FHIT: variants seen among roughly 807,000 people sequenced by gnomAD.
FHIT encodes fragile histidine triad diadenosine triphosphatase, also known as bis(5'-adenosyl)-triphosphatase.
FHIT carries 19 observed loss-of-function variants against 17.9 expected under a neutral mutation model. The observed-to-expected ratio is 1.06, with a 90% CI of 0.74 to 1.56. The LOEUF is 1.56. Ranked by LOEUF, FHIT falls within the 40% of genes most tolerant of loss-of-function variation. The pLI is 0.00. For missense variants in FHIT, 248 were observed against 189.2 expected (o/e 1.31, Z -1.82); for synonymous variants, 81 against 69.7 (o/e 1.16, Z -0.81).
At chr3:60,244,512 T>A (rs115677216) in intron 5 of FHIT, among the ~76,000 whole-genome samples, 2 of 152,218 alleles carry the variant, frequency 1.3e-5, no homozygotes, top group African/African-American at 4.8e-5. Flanking sequence ...CAAGATTTCA[T>A]GTTGATTAAC....
intron 3 of FHIT, among the ~76,000 whole-genome samples, chr3:60,934,768 T>G (rs1708114967): frequency 6.6e-6 from 1 of 152,182 alleles, no homozygotes; most frequent in Non-Finnish European, 1.5e-5. Flanking sequence ...GCCTCCAGCT[T>G]TGAGGCAATG....
At chr3:60,134,477 C>T (rs193285771) in intron 5 of FHIT, among the ~76,000 whole-genome samples, 16 of 152,256 alleles carry the variant, frequency 1.1e-4, no homozygotes, top group Non-Finnish European at 2.2e-4. Flanking sequence ...GCGTGGGGCC[C>T]ACAGGCCTTT....
chr3:60,037,319 A>C (rs368202414), intron 5 of FHIT, among the ~76,000 whole-genome samples: 14 of 152,190 alleles, frequency 9.2e-5, no homozygotes, highest in Admixed American at 3.3e-4. Flanking sequence ...GGCACTAGGA[A>C]GTCTCACCAG....
chr3:60,029,052 G>A (rs556882346), intron 5 of FHIT, among the ~76,000 whole-genome samples: 1 of 152,282 alleles, frequency 6.6e-6, no homozygotes, highest in East Asian at 1.9e-4. Flanking sequence ...GATTTTCAAA[G>A]AAATAAAGCA....
chr3:60,576,075 A>G (rs561227081), intron 4 of FHIT, among the ~76,000 whole-genome samples: 1 of 152,114 alleles, frequency 6.6e-6, no homozygotes, highest in Non-Finnish European at 1.5e-5. Context: ...CATTGAGCAA[A>G]CACCAGGGAG....
chr3:60,993,681 C>A (rs1246014047), intron 3 of FHIT, among the ~76,000 whole-genome samples: 2 of 152,160 alleles, frequency 1.3e-5, no homozygotes, highest in African/African-American at 2.4e-5. Context: ...TATACCAATT[C>A]TTTGGCTTAC....
chr3:60,245,162 A>T (rs1705329700), intron 5 of FHIT, among the ~76,000 whole-genome samples: 1 of 152,124 alleles, frequency 6.6e-6, no homozygotes, highest in Non-Finnish European at 1.5e-5. Flanking sequence ...CATTTAATGA[A>T]TATAATGAAA....
chr3:60,061,419 A>C (rs1162789766), intron 5 of FHIT, among the ~76,000 whole-genome samples: 1 of 152,206 alleles, frequency 6.6e-6, no homozygotes, highest in Non-Finnish European at 1.5e-5. Context: ...GTTTGTAGAG[A>C]TGGATATCTG....
chr3:60,631,462 G>C (rs1186923867), intron 4 of FHIT, among the ~76,000 whole-genome samples: 1 of 152,160 alleles, frequency 6.6e-6, no homozygotes, highest in East Asian at 1.9e-4. Flanking sequence ...AATGCGGAGG[G>C]AGATGGCAAC....
intron 8 of FHIT, among the ~76,000 whole-genome samples, chr3:59,790,503 T>G (rs1350484892): frequency 7.0e-6 from 1 of 141,852 alleles, no homozygotes; most frequent in Non-Finnish European, 1.5e-5. Context: ...TCTCTCTCTC[T>G]CTTTCTCTCT....
At chr3:60,404,964 C>T (rs1272962413) in intron 5 of FHIT, among the ~76,000 whole-genome samples, 1 of 152,056 alleles carries the variant, frequency 6.6e-6, no homozygotes, top group Non-Finnish European at 1.5e-5. Context: ...AGCAGAAATC[C>T]TATAATATAT....
At chr3:61,127,997 G>A (rs188941391) in intron 2 of FHIT, among the ~76,000 whole-genome samples, 31 of 152,240 alleles carry the variant, frequency 2.0e-4, no homozygotes, top group Admixed American at 5.9e-4. Context: ...AGTATTAAAC[G>A]GGTAAAAAAT....
chr3:60,098,884 G>T (rs1704076573), intron 5 of FHIT, among the ~76,000 whole-genome samples: 1 of 152,160 alleles, frequency 6.6e-6, no homozygotes, highest in Admixed American at 6.6e-5. Flanking sequence ...TTGACTGCCT[G>T]GGAGTCAGCA....
At chr3:60,798,580 C>A (rs1701072172) in intron 4 of FHIT, among the ~76,000 whole-genome samples, 1 of 152,040 alleles carries the variant, frequency 6.6e-6, no homozygotes, top group Admixed American at 6.6e-5. Context: ...ATATGGCCTC[C>A]TTTTTGCCCT....
intron 3 of FHIT, among the ~76,000 whole-genome samples, chr3:61,017,984 C>G (rs905090934): frequency 6.6e-6 from 1 of 151,962 alleles, no homozygotes. Flanking sequence ...TACTGAAATT[C>G]AAAAATAGGA....
At chr3:61,239,059 T>C (rs1012975776) in intron 1 of FHIT, among the ~76,000 whole-genome samples, 1 of 151,960 alleles carries the variant, frequency 6.6e-6, no homozygotes, top group African/African-American at 2.4e-5. Flanking sequence ...TAGTAGGCAT[T>C]AGGGAAGCAT....
At chr3:60,418,259 C>G (rs919042155) in intron 5 of FHIT, among the ~76,000 whole-genome samples, 1 of 151,082 alleles carries the variant, frequency 6.6e-6, no homozygotes, top group Non-Finnish European at 1.5e-5. Context: ...TTTTTGTCTA[C>G]TCATTTTTAG....
At chr3:60,559,642 G>A (rs572768037) in intron 4 of FHIT, among the ~76,000 whole-genome samples, 62 of 152,128 alleles carry the variant, frequency 4.1e-4, no homozygotes, top group African/African-American at 1.3e-3. Context: ...CTAACCAAGC[G>A]CTTGCTAATA....
At chr3:61,052,621 T>C (rs1043287963) in intron 2 of FHIT, among the ~76,000 whole-genome samples, 6 of 152,222 alleles carry the variant, frequency 3.9e-5, no homozygotes, top group Non-Finnish European at 5.9e-5. Context: ...GTTATTGGAG[T>C]CAACAGACAA....
Sources: allele counts gnomAD v4.1 joint callset (sites outside exome capture counted in the v4.1 genomes callset), GRCh38; gene constraint gnomAD v4.1.1; transcripts MANE v1.5; gene names NCBI Gene and HGNC (gene_info 2026-07-23, HGNC 2026-07-21).